The following ZC3H8 variants were observed in gnomAD, a reference collection of about 807,000 sequenced individuals.
The protein encoded by ZC3H8 is zinc finger CCCH-type containing 8, also known as zinc finger CCCH domain-containing protein 8.
A neutral mutation model predicts 42.5 loss-of-function variants in ZC3H8; 27 were observed. That is an observed-to-expected ratio of 0.64 (90% CI 0.47 to 0.88). The LOEUF is 0.88. Ranked by LOEUF, ZC3H8 falls within the 40% of genes least tolerant of loss-of-function variation. The pLI, the probability that ZC3H8 is intolerant of heterozygous loss-of-function variation, is 0.00. For missense variants in ZC3H8, 277 were observed against 336.1 expected, an observed-to-expected ratio of 0.82 and a Z score of 1.37; for synonymous variants, 101 against 110.1, an observed-to-expected ratio of 0.92 and a Z score of 0.52.
intron 2 of ZC3H8, among the ~76,000 whole-genome samples, chr2:112,245,907 C>T (rs185873202): frequency 6.8e-4 from 104 of 152,200 alleles, no homozygotes; most frequent in African/African-American, 2.1e-3. Context: ...ACTTGCACCC[C>T]GTAAATTTAT....
chr2:112,248,681 C>T (rs946744229), intron 2 of ZC3H8, among the ~76,000 whole-genome samples: 1 of 151,874 alleles, frequency 6.6e-6, no homozygotes, highest in Non-Finnish European at 1.5e-5. Context: ...GTAGAGATGG[C>T]GTTTCTCCAT....
chr2:112,249,230 A>G (rs1392265659), intron 2 of ZC3H8, among the ~76,000 whole-genome samples: 1 of 152,144 alleles, frequency 6.6e-6, no homozygotes, highest in African/African-American at 2.4e-5. Context: ...AGACACAGGC[A>G]TACAGGGAGA....
chr2:112,249,733 C>T (rs1435580737), intron 2 of ZC3H8, among the ~76,000 whole-genome samples: 2 of 152,160 alleles, frequency 1.3e-5, no homozygotes, highest in Admixed American at 6.5e-5. Flanking sequence ...CGTGAGCCAC[C>T]GCGCCCAGCC....
chr2:112,241,748 G>A (rs1416341506), intron 2 of ZC3H8, among the ~76,000 whole-genome samples: 1 of 152,104 alleles, frequency 6.6e-6, no homozygotes, highest in Admixed American at 6.5e-5. Flanking sequence ...TGCAAAATTA[G>A]AATCAGACTA....
chr2:112,231,755 T>G (rs936966588), intron 7 of ZC3H8, 83 bp downstream of exon 7: 1 of 802,316 alleles, frequency 1.2e-6, no homozygotes, highest in Middle Eastern at 3.9e-4. Flanking sequence ...GCACTCTCCT[T>G]AATTATCTTC....
At chr2:112,218,324 C>A (rs1408455208) in intron 8 of ZC3H8, among the ~76,000 whole-genome samples, 1 of 152,186 alleles carries the variant, frequency 6.6e-6, no homozygotes, top group Non-Finnish European at 1.5e-5. Context: ...GGTTTAGAAA[C>A]CAGGCAGTCT....
At chr2:112,239,579 CTTTTTTTTTTT>C (rs200972008) in intron 2 of ZC3H8, among the ~76,000 whole-genome samples, 24 of 86,480 alleles carry the variant, frequency 2.8e-4, no homozygotes, top group East Asian at 9.8e-4. Context: ...TAACAGTTTA[CTTTTTTTTTTT>C]TTTTTTTTTT....
At chr2:112,244,044 T>C (rs867875837) in intron 2 of ZC3H8, among the ~76,000 whole-genome samples, 25 of 134,778 alleles carry the variant, frequency 1.9e-4, no homozygotes, top group South Asian at 4.2e-4. Flanking sequence ...ATAAGAGATA[T>C]GTCTCATATA....
chr2:112,232,313 T>TC (rs1406163323), intron 6 of ZC3H8, among the ~76,000 whole-genome samples: 5 of 60,442 alleles, frequency 8.3e-5, no homozygotes, highest in Non-Finnish European at 1.5e-4. Context: ...AGATAATGTC[T>TC]CAAAAAAAAA....
At chr2:112,252,999 T>A (rs866071317) in intron 1 of ZC3H8, among the ~76,000 whole-genome samples, 3 of 152,020 alleles carry the variant, frequency 2.0e-5, no homozygotes, top group Non-Finnish European at 4.4e-5. Flanking sequence ...TCGGGCGTGG[T>A]GGCAGGCGCC....
chr2:112,248,638 C>CT (rs1371333625), intron 2 of ZC3H8, among the ~76,000 whole-genome samples: 4 of 152,032 alleles, frequency 2.6e-5, no homozygotes, highest in Non-Finnish European at 4.4e-5. Context: ...TTACAGGTGC[C>CT]TGCCACCATG....
intron 1 of ZC3H8, among the ~76,000 whole-genome samples, chr2:112,252,247 C>G (rs1170183267): frequency 6.6e-6 from 1 of 152,196 alleles, no homozygotes; most frequent in Non-Finnish European, 1.5e-5. Flanking sequence ...TGAACTCTTG[C>G]TCTTCTCTCT....
At chr2:112,246,546 T>C (rs1685771779) in intron 2 of ZC3H8, among the ~76,000 whole-genome samples, 1 of 152,192 alleles carries the variant, frequency 6.6e-6, no homozygotes, top group Non-Finnish European at 1.5e-5. Context: ...AAGACTTCAG[T>C]AGACGAAGTA....
At chr2:112,249,837 GGTTAA>G (rs1685887989) in intron 2 of ZC3H8, among the ~76,000 whole-genome samples, 2 of 152,138 alleles carry the variant, frequency 1.3e-5, no homozygotes, top group African/African-American at 4.8e-5. Context: ...CACTAAGGTT[GGTTAA>G]GTTAACAAAT....
chr2:112,232,907 C>G (rs1685155740), intron 6 of ZC3H8, among the ~76,000 whole-genome samples: 1 of 152,172 alleles, frequency 6.6e-6, no homozygotes, highest in African/African-American at 2.4e-5. Flanking sequence ...CAGGTACTCC[C>G]AAATTATGTA....
rs562514083 is a variant in ZC3H8 at position 112,236,047 on chromosome 2, T to C, written c.504+515A>G. On this transcript the variant is annotated intron_variant, in intron 4 of 8. Coordinates refer to ENST00000409573, the MANE Select transcript of ZC3H8 (RefSeq NM_032494.3). ...TGGGAGCCGAGGCAGGTGGATCACCTGAGGTCAGGAGTTCAAGACCATCCT... is the reference window on the plus strand; with the variant it reads ...TGGGAGCCGAGGCAGGTGGATCACCCGAGGTCAGGAGTTCAAGACCATCCT... Among the ~76,000 whole-genome samples, 13 of 151,666 alleles carry C rather than the reference T, an allele frequency of 8.6e-5. No individual in the cohort carries two copies. In the South Asian group the frequency reaches 1.5e-3, roughly 17 times the overall value.
chr2:112,230,413 T>C (rs1197253721), intron 8 of ZC3H8, among the ~76,000 whole-genome samples: 1 of 152,186 alleles, frequency 6.6e-6, no homozygotes, highest in East Asian at 1.9e-4. Flanking sequence ...TTACAAGAGT[T>C]AGTATTTTTA....
intron 8 of ZC3H8, among the ~76,000 whole-genome samples, chr2:112,229,662 G>A (rs996274310): frequency 2.0e-5 from 3 of 152,114 alleles, no homozygotes; most frequent in African/African-American, 7.2e-5. Context: ...CCAACTCCCA[G>A]CCAATCTATA....
At chr2:112,254,876 T>G (rs200840803) in intron 1 of ZC3H8, 32 bp downstream of exon 1, 1 of 1,609,012 alleles carries the variant, frequency 6.2e-7, no homozygotes, top group African/African-American at 1.3e-5. Flanking sequence ...GCTGAGCCCC[T>G]GCATTCAAAA....
Sources: allele counts gnomAD v4.1 joint callset (sites outside exome capture counted in the v4.1 genomes callset), GRCh38; gene constraint gnomAD v4.1.1; transcripts MANE v1.5; gene names NCBI Gene and HGNC (gene_info 2026-07-23, HGNC 2026-07-21).